PDZRN3: variants seen among roughly 807,000 people sequenced by gnomAD.
PDZRN3 encodes the protein E3 ubiquitin-protein ligase PDZRN3.
A neutral mutation model predicts 85.7 loss-of-function variants in PDZRN3; 38 were observed. The ratio of observed to expected loss-of-function variants is 0.44; its 90% CI spans 0.34 to 0.58. The LOEUF (loss-of-function observed/expected upper bound fraction) is 0.58, where lower values mean the gene tolerates loss of function less well. Among genes scored for constraint, PDZRN3 ranks in the 20% least tolerant of loss-of-function variants. PDZRN3 has a pLI of 0.01. For missense variants in PDZRN3, 1,629 were observed against 1,506.4 expected (o/e 1.08, Z -1.35); for synonymous variants, 759 against 638.0 (o/e 1.19, Z -2.86).
intron 3 of PDZRN3, among the ~76,000 whole-genome samples, chr3:73,560,013 A>G (rs185609933): frequency 4.3e-4 from 66 of 152,338 alleles, no homozygotes; most frequent in African/African-American, 1.4e-3. Flanking sequence ...GACATGATGT[A>G]ATTAGCATGG....
At chr3:73,559,450 A>T (rs372097812) in intron 3 of PDZRN3, among the ~76,000 whole-genome samples, 17 of 152,216 alleles carry the variant, frequency 1.1e-4, no homozygotes, top group African/African-American at 3.9e-4. Flanking sequence ...TCCAAACAAG[A>T]AAACCTTCCG....
chr3:73,428,731 G>C (rs1306807439), intron 3 of PDZRN3, among the ~76,000 whole-genome samples: 1 of 152,098 alleles, frequency 6.6e-6, no homozygotes, highest in Non-Finnish European at 1.5e-5. Flanking sequence ...TTTCTTTTCA[G>C]AATCAACATA....
chr3:73,412,016 A>G (rs1701983342), intron 3 of PDZRN3, among the ~76,000 whole-genome samples: 1 of 152,212 alleles, frequency 6.6e-6, no homozygotes, highest in Admixed American at 6.5e-5. Context: ...GCGCATCTGC[A>G]GACATTTCAT....
intron 3 of PDZRN3, among the ~76,000 whole-genome samples, chr3:73,446,995 G>A (rs948077471): frequency 6.7e-6 from 1 of 149,402 alleles, no homozygotes. Flanking sequence ...TGACTAATTC[G>A]GATGGACGTG....
intron 3 of PDZRN3, among the ~76,000 whole-genome samples, chr3:73,551,511 C>T (rs1289005766): frequency 1.3e-5 from 2 of 151,820 alleles, no homozygotes; most frequent in African/African-American, 2.4e-5. Flanking sequence ...AGTGAGACCT[C>T]GTCTCTACAA....
chr3:73,424,367 C>CAAAA (rs66466551), intron 3 of PDZRN3, among the ~76,000 whole-genome samples: 1,059 of 54,844 alleles, frequency 0.019, 60 homozygotes, highest in Middle Eastern at 0.038. Context: ...CCGTCTCTAC[C>CAAAA]AAAAAAAAAA....
chr3:73,428,436 C>G (rs547411998), intron 3 of PDZRN3, among the ~76,000 whole-genome samples: 1 of 152,150 alleles, frequency 6.6e-6, no homozygotes, highest in Admixed American at 6.5e-5. Context: ...CTACAAAATC[C>G]AACTTATTCA....
At chr3:73,618,481 C>T (rs1335977981) in intron 1 of PDZRN3, among the ~76,000 whole-genome samples, 1 of 152,114 alleles carries the variant, frequency 6.6e-6, no homozygotes, top group African/African-American at 2.4e-5. Context: ...TAATCTGCTA[C>T]TCCCATTAAA....
At chr3:73,504,155 T>C (rs1035890320) in intron 3 of PDZRN3, among the ~76,000 whole-genome samples, 1 of 152,210 alleles carries the variant, frequency 6.6e-6, no homozygotes, top group Non-Finnish European at 1.5e-5. Flanking sequence ...GATGCCCACC[T>C]GATGTACCTC....
Position 73,555,048 on chromosome 3 carries a change from G to C in PDZRN3, c.918+47306C>G, listed in dbSNP as rs192481934. 2.0e-3 allele frequency among the ~76,000 whole-genome samples: 309 copies of C among 152,172 alleles called. 2 individuals carry two copies. Among genetic ancestry groups the C allele is most frequent in the African/African-American group, 7.1e-3 (295 of 41,534 alleles). On this transcript the variant is annotated intron_variant, in intron 3 of 9. Coordinates refer to ENST00000263666, the MANE Select transcript of PDZRN3 (RefSeq NM_015009.3). ...CACCAGACAAAGCAGATAAGTTGCA[G>C]GGGGGATAGAAAAATTAAACATGTC...
chr3:73,487,463 CTA>C (rs1316208497), intron 3 of PDZRN3, among the ~76,000 whole-genome samples: 3 of 152,102 alleles, frequency 2.0e-5, no homozygotes, highest in African/African-American at 7.2e-5. Flanking sequence ...CTTTGCTTTT[CTA>C]TGTTTTCCGA....
chr3:73,546,779 T>C (rs1701432035), intron 3 of PDZRN3, among the ~76,000 whole-genome samples: 1 of 152,264 alleles, frequency 6.6e-6, no homozygotes, highest in Admixed American at 6.5e-5. Context: ...AATGACTTTA[T>C]CAAATTCTGT....
intron 1 of PDZRN3, 127 bp downstream of exon 1, chr3:73,623,976 G>A: frequency 2.1e-6 from 2 of 943,016 alleles, no homozygotes; most frequent in Non-Finnish European, 2.9e-6. Flanking sequence ...GTAAGCAGTG[G>A]AAGAAGAGGG....
intron 3 of PDZRN3, among the ~76,000 whole-genome samples, chr3:73,483,843 T>G (rs1381182566): frequency 6.6e-6 from 1 of 152,134 alleles, no homozygotes; most frequent in Admixed American, 6.6e-5. Context: ...AAGTGGTGTG[T>G]GTGAAAAAGG....
At chr3:73,404,573 TGAGTTTGGAG>T in intron 3 of PDZRN3, 178 bp from the exon 4 acceptor site, 1 of 619,696 alleles carries the variant, frequency 1.6e-6, no homozygotes, top group East Asian at 2.8e-5. Context: ...GGAAAGAGAG[TGAGTTTGGAG>T]GTATTCAGAT....
At chr3:73,443,473 C>CTTTTCCT (rs1559682481) in intron 3 of PDZRN3, among the ~76,000 whole-genome samples, 1 of 38,888 alleles carries the variant, frequency 2.6e-5, no homozygotes. Context: ...ATTTATTTTC[C>CTTTTCCT]TTTTTCTTTT....
intron 3 of PDZRN3, among the ~76,000 whole-genome samples, chr3:73,496,670 C>T (rs1177588811): frequency 2.0e-5 from 3 of 151,390 alleles, no homozygotes; most frequent in Non-Finnish European, 4.4e-5. Context: ...AATTTCAACA[C>T]ACAAAAAGTC....
At chr3:73,454,729 A>G (rs1466291142) in intron 3 of PDZRN3, among the ~76,000 whole-genome samples, 1 of 152,226 alleles carries the variant, frequency 6.6e-6, no homozygotes, top group Non-Finnish European at 1.5e-5. Flanking sequence ...GTACTGATTG[A>G]GAATAAGGAG....
At chr3:73,534,663 G>A (rs756422904) in intron 3 of PDZRN3, among the ~76,000 whole-genome samples, 4 of 152,114 alleles carry the variant, frequency 2.6e-5, no homozygotes, top group African/African-American at 4.8e-5. Flanking sequence ...GTCTTGCCTC[G>A]GCAGTACTGC....
Sources: gnomAD v4.1 joint callset for allele counts (sites outside exome capture counted in the v4.1 genomes callset) on GRCh38, gnomAD v4.1.1 for gene constraint, MANE v1.5 for transcripts, NCBI Gene and HGNC (gene_info 2026-07-23, HGNC 2026-07-21) for gene names.